Variants in MTHFD2L observed in about 807,000 individuals in gnomAD.
MTHFD2L encodes bifunctional methylenetetrahydrofolate dehydrogenase/cyclohydrolase 2, mitochondrial.
Under a neutral mutation model 34.9 loss-of-function variants are expected in MTHFD2L, and 29 were observed. The ratio of observed to expected loss-of-function variants is 0.83; its 90% confidence interval spans 0.62 to 1.13. The LOEUF is 1.13. Among genes scored for constraint, MTHFD2L ranks in the 50% most tolerant of loss-of-function variants. The probability of loss-of-function intolerance (pLI) is 0.00; values close to 1 mark genes in which losing one functional copy is unlikely to be tolerated. For synonymous variants in MTHFD2L, 167 were observed against 155.7 expected (o/e 1.07, Z -0.54); for missense variants, 481 against 446.5 (o/e 1.08, Z -0.70).
At chr4:74,197,143 C>A (rs1733624530) in intron 3 of MTHFD2L, among the ~76,000 whole-genome samples, 2 of 151,982 alleles carry the variant, frequency 1.3e-5, no homozygotes, top group African/African-American at 4.8e-5. Context: ...TGAATAAAAC[C>A]AGTTTTATCA....
intron 7 of MTHFD2L, among the ~76,000 whole-genome samples, chr4:74,292,389 A>T (rs1240175661): frequency 6.6e-6 from 1 of 152,094 alleles, no homozygotes; most frequent in East Asian, 1.9e-4. Context: ...TTTTTTTTAT[A>T]GTTGTTTCTC....
chr4:74,236,799 T>C (rs1740905415), intron 6 of MTHFD2L, among the ~76,000 whole-genome samples: 1 of 152,224 alleles, frequency 6.6e-6, no homozygotes, highest in African/African-American at 2.4e-5. Flanking sequence ...ATATTATCAC[T>C]CACTTCATCA....
At chr4:74,187,660 C>T (rs575484827) in intron 3 of MTHFD2L, among the ~76,000 whole-genome samples, 4 of 152,012 alleles carry the variant, frequency 2.6e-5, no homozygotes, top group Admixed American at 2.6e-4. Context: ...ATCATGTTCT[C>T]CTGTAGTGGA....
chr4:74,234,009 A>G (rs1042178809), intron 6 of MTHFD2L, among the ~76,000 whole-genome samples: 7 of 152,074 alleles, frequency 4.6e-5, no homozygotes, highest in South Asian at 2.1e-4. Context: ...AAGCTTCAGT[A>G]AAGAACAATT....
chr4:74,267,305 T>C (rs966494590), intron 6 of MTHFD2L: 1 of 485,340 alleles, frequency 2.1e-6, no homozygotes, highest in Admixed American at 1.5e-4. Context: ...TTTTCTTTTC[T>C]TTTCTTTCTT....
At chr4:74,210,660 G>A (rs1181059290) in intron 5 of MTHFD2L, among the ~76,000 whole-genome samples, 6 of 152,154 alleles carry the variant, frequency 3.9e-5, no homozygotes, top group Non-Finnish European at 5.9e-5. Flanking sequence ...GTTTAGGATT[G>A]TCTTGGCTAT....
At chr4:74,241,660 G>A (rs1741735023) in intron 6 of MTHFD2L, 2 of 413,846 alleles carry the variant, frequency 4.8e-6, no homozygotes, top group Non-Finnish European at 9.6e-6. Flanking sequence ...TTACAGGCAT[G>A]AGCCACCACA....
intron 1 of MTHFD2L, among the ~76,000 whole-genome samples, chr4:74,165,442 C>G (rs933154793): frequency 1.3e-5 from 2 of 152,140 alleles, no homozygotes; most frequent in African/African-American, 4.8e-5. Context: ...ACTGCAACCT[C>G]CGCCTCCTGG....
In MTHFD2L at chr4:74,215,310, C is replaced by T. The variant is rs979261745; in HGVS notation, c.713-9992C>T. 9.2e-5 allele frequency among the ~76,000 whole-genome samples: 14 copies of T among 151,822 alleles called. No homozygotes were observed. The East Asian group carries it at 2.3e-3, about 25-fold the overall frequency. ...GCCACCCAATTTTGTGCTTGAAACC[C>T]AGGGCCCTAGTGGCGTAGGCACCCG... is the stretch of plus-strand genomic sequence containing the variant. On this transcript the variant is annotated intron_variant, in intron 5 of 7. Coordinates refer to ENST00000325278, the MANE Select transcript of MTHFD2L (RefSeq NM_001144978.3).
intron 6 of MTHFD2L, among the ~76,000 whole-genome samples, chr4:74,258,572 G>A (rs1043476350): frequency 6.6e-6 from 1 of 152,088 alleles, no homozygotes; most frequent in African/African-American, 2.4e-5. Flanking sequence ...TGCAGGACTT[G>A]AGTATATGAG....
intron 1 of MTHFD2L, among the ~76,000 whole-genome samples, chr4:74,128,781 G>A (rs1485307453): frequency 6.6e-6 from 1 of 152,076 alleles, no homozygotes; most frequent in Non-Finnish European, 1.5e-5. Flanking sequence ...GACAGGGATT[G>A]CATTGAATCT....
At chr4:74,238,931 T>A (rs1408614175) in intron 6 of MTHFD2L, among the ~76,000 whole-genome samples, 2 of 152,196 alleles carry the variant, frequency 1.3e-5, no homozygotes, top group Non-Finnish European at 1.5e-5. Flanking sequence ...GTATGGTGGT[T>A]CCTCAAGGAT....
intron 3 of MTHFD2L, among the ~76,000 whole-genome samples, chr4:74,192,137 A>AT (rs1192799670): frequency 1.3e-5 from 2 of 152,136 alleles, no homozygotes; most frequent in Non-Finnish European, 2.9e-5. Flanking sequence ...AAATATATAT[A>AT]ATAAATAAAC....
At chr4:74,153,222 A>C (rs1229298816), upstream of MTHFD2L, among the ~76,000 whole-genome samples, 1 of 152,228 alleles carries the variant, frequency 6.6e-6, no homozygotes, top group East Asian at 1.9e-4. Flanking sequence ...TTTTGATGCC[A>C]GTGCTAACTG....
rs1461508673 is a variant in MTHFD2L at position 74,186,454 on chromosome 4, A to AAC, written c.451+11052_451+11053insCA. On this transcript the variant is annotated intron_variant, in intron 3 of 7. Transcript: ENST00000325278. ...GGAATCCATGAAAAAAAAAAAAAAA[A>AAC]AAAAACAGCTACTAGTACTAATAAG... 6.0e-5 allele frequency among the ~76,000 whole-genome samples: 9 copies of AAC among 150,994 alleles called. No homozygotes were observed. In the East Asian group the frequency reaches 1.2e-3, roughly 20 times the overall value.
intron 1 of MTHFD2L, among the ~76,000 whole-genome samples, chr4:74,132,155 G>C (rs1722561148): frequency 6.6e-6 from 1 of 152,152 alleles, no homozygotes; most frequent in South Asian, 2.1e-4. Flanking sequence ...GAATAAATTA[G>C]TTCAGCCATT....
intron 6 of MTHFD2L, among the ~76,000 whole-genome samples, chr4:74,260,914 T>TA (rs200261113): frequency 1.7e-4 from 22 of 133,314 alleles, no homozygotes; most frequent in East Asian, 1.1e-3. Flanking sequence ...TGTGTTTTTT[T>TA]AAAAAAAACA....
chr4:74,299,830 G>A (rs1326980447), intron 7 of MTHFD2L, among the ~76,000 whole-genome samples: 1 of 152,018 alleles, frequency 6.6e-6, no homozygotes, highest in Non-Finnish European at 1.5e-5. Context: ...ACAGTGCACA[G>A]TGTCTTAAGT....
chr4:74,201,548 A>T (rs1296224762), intron 5 of MTHFD2L, among the ~76,000 whole-genome samples, 178 bp downstream of exon 5: 4 of 143,100 alleles, frequency 2.8e-5, no homozygotes, highest in Admixed American at 7.4e-5. Flanking sequence ...AATTACTGAA[A>T]ATATGTGGCC....
Sources: gnomAD v4.1 joint callset for allele counts (sites outside exome capture counted in the v4.1 genomes callset) on GRCh38, gnomAD v4.1.1 for gene constraint, MANE v1.5 for transcripts, NCBI Gene and HGNC (gene_info 2026-07-23, HGNC 2026-07-21) for gene names.